Variants in CERKL observed in about 807,000 individuals in gnomAD.
CERKL encodes the protein CERK like autophagy regulator, also known as ceramide kinase-like protein.
Under a neutral mutation model 63.4 loss-of-function variants are expected in CERKL, and 61 were observed. That is an observed-to-expected ratio of 0.96 (90% confidence interval 0.78 to 1.19). CERKL has a LOEUF of 1.19. CERKL is among the 50% of genes most tolerant of loss of function. The pLI, the probability that CERKL is intolerant of heterozygous loss-of-function variation, is 0.00. For missense variants in CERKL, 675 were observed against 655.5 expected (o/e 1.03, Z -0.33); for synonymous variants, 250 against 230.5 (o/e 1.08, Z -0.77).
intron 1 of CERKL, among the ~76,000 whole-genome samples, chr2:181,637,711 G>C (rs13392054): frequency 0.19 from 28,193 of 152,000 alleles, 4,296 homozygotes; most frequent in African/African-American, 0.42. Context: ...TAGTAGATTT[G>C]ATTTTGGAAC....
chr2:181,616,762 C>T lies in CERKL; in HGVS notation c.239-12683G>A, dbSNP rs898685695. ...TTTATTCACATTCCAAATATCCTGG[C>T]TAGTTCTTAGAAATTAATTTTCCTA... is the stretch of plus-strand genomic sequence containing the variant. On this transcript the variant is annotated intron_variant, in intron 1 of 12. Coordinates refer to ENST00000410087, the MANE Select transcript of CERKL (RefSeq NM_201548.5). Among the ~76,000 whole-genome samples the T allele has an allele frequency of 3.3e-5, 5 of 152,136 alleles. No homozygotes were observed. The South Asian group carries it at 6.2e-4, about 19-fold the overall frequency.
intron 1 of CERKL, among the ~76,000 whole-genome samples, chr2:181,654,739 T>G (rs1311840610): frequency 8.0e-6 from 1 of 124,450 alleles, no homozygotes; most frequent in Non-Finnish European, 1.9e-5. Context: ...TTTAAATATA[T>G]CATCTCTTAA....
At chr2:181,544,970 T>C (rs1322258738) in intron 10 of CERKL, among the ~76,000 whole-genome samples, 174 bp from the exon 11 acceptor site, 2 of 152,200 alleles carry the variant, frequency 1.3e-5, no homozygotes, top group Non-Finnish European at 2.9e-5. Flanking sequence ...TGCTATTTTT[T>C]AAATGATGCA....
intron 2 of CERKL, among the ~76,000 whole-genome samples, chr2:181,594,237 T>A (rs1263639562): frequency 6.6e-6 from 1 of 152,244 alleles, no homozygotes; most frequent in Non-Finnish European, 1.5e-5. Flanking sequence ...ATCTCTGTGC[T>A]AAGAAGAGTT....
At chr2:181,656,720 A>G in intron 1 of CERKL, 49 bp downstream of exon 1, 1 of 1,470,740 alleles carries the variant, frequency 6.8e-7, no homozygotes, top group Non-Finnish European at 9.2e-7. Context: ...GGCCGGGGAG[A>G]GGGAGGAAGC....
intron 1 of CERKL, among the ~76,000 whole-genome samples, chr2:181,614,080 AC>A (rs1686086976): frequency 6.6e-6 from 1 of 151,988 alleles, no homozygotes; most frequent in Non-Finnish European, 1.5e-5. Flanking sequence ...TTGTATTGTT[AC>A]CGAAGTTCTT....
intron 1 of CERKL, among the ~76,000 whole-genome samples, chr2:181,620,530 A>G (rs987619585): frequency 1.3e-5 from 2 of 152,218 alleles, no homozygotes; most frequent in Non-Finnish European, 2.9e-5. Flanking sequence ...ACAACTGTTG[A>G]AAGTTCAGAG....
At chr2:181,573,080 T>C (rs908120077) in intron 3 of CERKL, among the ~76,000 whole-genome samples, 3 of 152,124 alleles carry the variant, frequency 2.0e-5, no homozygotes, top group Non-Finnish European at 2.9e-5. Context: ...CGATTCTCCA[T>C]AGCATCGACT....
intron 2 of CERKL, among the ~76,000 whole-genome samples, chr2:181,590,322 T>C (rs1266183073): frequency 1.3e-5 from 2 of 151,576 alleles, no homozygotes; most frequent in Non-Finnish European, 1.5e-5. Flanking sequence ...CTATTTTTAG[T>C]AGAGACAGGG....
At chr2:181,629,410 A>G (rs1445406337) in intron 1 of CERKL, among the ~76,000 whole-genome samples, 1 of 152,228 alleles carries the variant, frequency 6.6e-6, no homozygotes, top group Non-Finnish European at 1.5e-5. Flanking sequence ...AAAGCAGGGT[A>G]ATAGCCACCT....
chr2:181,583,958 G>A (rs888447594), intron 2 of CERKL, among the ~76,000 whole-genome samples: 2 of 152,182 alleles, frequency 1.3e-5, no homozygotes, highest in East Asian at 1.9e-4. Context: ...GCAGGTTAAT[G>A]ATATTTGGTT....
chr2:181,611,336 A>G (rs1685961069), intron 1 of CERKL, among the ~76,000 whole-genome samples: 1 of 152,184 alleles, frequency 6.6e-6, no homozygotes, highest in Admixed American at 6.5e-5. Context: ...AAAAAAAAGT[A>G]TATTCATATA....
At chr2:181,642,493 A>G (rs914084117) in intron 1 of CERKL, among the ~76,000 whole-genome samples, 33 of 152,256 alleles carry the variant, frequency 2.2e-4, no homozygotes, top group African/African-American at 7.5e-4. Context: ...AAATACTTAC[A>G]TAAACTTAAA....
At position 181,537,193 on chromosome 2, in the gene CERKL, A is replaced by G. The variant is rs1255194560; in HGVS notation, c.*991T>C. The G allele has an allele frequency of 2.2e-6, 1 of 453,298 alleles. No individual in the cohort carries two copies. Among genetic ancestry groups the G allele is most frequent in the Non-Finnish European group, 4.4e-6 (1 of 226,148 alleles). 28.1% of individuals were successfully genotyped at this position (453,298 alleles called of 1,614,324 possible). On this transcript the variant is annotated 3_prime_UTR_variant, in exon 13 of 13. Coordinates refer to ENST00000410087, the MANE Select transcript of CERKL (RefSeq NM_201548.5). Reference sequence around the variant, plus strand: ...GAGAACATCTAGGATCATAGATGAAAAATCAAGCCCCGATTTAGAACTGTC... The same window carrying G: ...GAGAACATCTAGGATCATAGATGAAGAATCAAGCCCCGATTTAGAACTGTC...
At position 181,601,392 on chromosome 2, in the gene CERKL, T is replaced by G. The variant is rs532981243; in HGVS notation, c.481+2445A>C. 9.9e-5 allele frequency among the ~76,000 whole-genome samples: 15 copies of G among 152,200 alleles called. No homozygotes were observed. The South Asian group carries it at 2.1e-3, about 21-fold the overall frequency. ...CTGGCCAACATGGCGAAACCCCATC[T>G]CTACTAAGTAATACAAAAATTAGCC... is the stretch of plus-strand genomic sequence containing the variant. On this transcript the variant is annotated intron_variant, in intron 2 of 12. Transcript: ENST00000410087.
chr2:181,655,873 G>T (rs1348687043), intron 1 of CERKL, among the ~76,000 whole-genome samples: 1 of 152,044 alleles, frequency 6.6e-6, no homozygotes, highest in African/African-American at 2.4e-5. Flanking sequence ...GTCTTTCACC[G>T]CTCACATCTA....
chr2:181,547,129 C>T (rs1312489569), intron 10 of CERKL, among the ~76,000 whole-genome samples: 4 of 152,000 alleles, frequency 2.6e-5, no homozygotes, highest in African/African-American at 9.7e-5. Context: ...TCCCCAGCAA[C>T]GTGGAACTGT....
rs1162845693 is a variant in CERKL, at chr2:181,548,756, G to C, written c.997C>G (p.Leu333Val). 2 of 1,614,046 alleles carry C rather than the reference G, an allele frequency of 1.2e-6. No homozygotes were observed. The highest frequency in any genetic ancestry group is 1.7e-6 in the Non-Finnish European group (2 of 1,179,952). Residue 333 changes from leucine to valine, a missense_variant, in exon 7 of 13, where the codon CTG becomes GTG. Physicochemically the swap from Leu to Val is conservative, Grantham distance 32. Coordinates refer to ENST00000410087, the MANE Select transcript of CERKL (RefSeq NM_201548.5). ...MFGFGGRTLA[L>V]AEKYRWMSPN... is the part of the protein sequence containing the mutation. ...GACATCCATCGATATTTTTCTGCCA[G>C]AGCCAAAGTTCTTCCACCAAAGCCA... is the stretch of plus-strand genomic sequence containing the variant.
At position 181,538,037 on chromosome 2, in the gene CERKL, C is replaced by A; in HGVS notation, c.*147G>T. The A allele has an allele frequency of 1.4e-6, 1 of 697,340 alleles. No individual in the cohort carries two copies. Among genetic ancestry groups the A allele is most frequent in the Non-Finnish European group, 2.7e-6 (1 of 372,912 alleles). The allele number at this position is 697,340 out of a possible 1,614,324, so 43.2% of individuals were successfully genotyped here. A position where few individuals can be genotyped will look rare whatever the true frequency, so the allele number is the denominator to read the frequency against. ...CCTGATGATCTGAGGTGGAACAGTT[C>A]ATCCTGAAACCATTCCCCCATCCAC... On this transcript the variant is annotated 3_prime_UTR_variant, in exon 13 of 13. Transcript: ENST00000410087.
Sources: allele counts gnomAD v4.1 joint callset (sites outside exome capture counted in the v4.1 genomes callset), GRCh38; gene constraint gnomAD v4.1.1; transcripts MANE v1.5; gene names NCBI Gene and HGNC (gene_info 2026-07-23, HGNC 2026-07-21).